The following RICTOR variants were observed in gnomAD, a reference collection of about 807,000 sequenced individuals.
RICTOR encodes the protein rapamycin-insensitive companion of mTOR.
Under a neutral mutation model 214.9 loss-of-function variants are expected in RICTOR, and 49 were observed. The ratio of observed to expected loss-of-function variants is 0.23; its 90% CI spans 0.18 to 0.29. The LOEUF (loss-of-function observed/expected upper bound fraction) is 0.29. Ranked by LOEUF, RICTOR falls within the 10% of genes least tolerant of loss-of-function variation. The pLI is 1.00. For missense variants in RICTOR, 1,625 were observed against 2,047.0 expected, an observed-to-expected ratio of 0.79 and a Z score of 3.98; for synonymous variants, 717 against 711.3, an observed-to-expected ratio of 1.01 and a Z score of -0.13.
chr5:39,062,139 C>T (rs182545119), intron 2 of RICTOR, among the ~76,000 whole-genome samples: 3 of 152,078 alleles, frequency 2.0e-5, no homozygotes, highest in Admixed American at 1.3e-4. Flanking sequence ...TACAGTAATA[C>T]GTCACTCTAA....
chr5:38,980,523 G>A (rs575174193), intron 8 of RICTOR, among the ~76,000 whole-genome samples: 7 of 152,192 alleles, frequency 4.6e-5, no homozygotes, highest in Middle Eastern at 3.4e-3. Flanking sequence ...TAAAGGCTTT[G>A]CTAATCCACT....
At chr5:39,011,436 T>C (rs1291057532) in intron 3 of RICTOR, among the ~76,000 whole-genome samples, 1 of 151,908 alleles carries the variant, frequency 6.6e-6, no homozygotes, top group Non-Finnish European at 1.5e-5. Context: ...CCACACAAAG[T>C]CCCCACTGGG....
intron 26 of RICTOR, 23 bp from the exon 27 acceptor site, chr5:38,954,884 T>G (rs1749114915): frequency 8.1e-7 from 1 of 1,239,454 alleles, no homozygotes; most frequent in Non-Finnish European, 1.2e-6. Flanking sequence ...AGATGATTAC[T>G]ATATCTCTTG....
chr5:39,021,668 T>C (rs1480280881), intron 2 of RICTOR, among the ~76,000 whole-genome samples: 3 of 152,086 alleles, frequency 2.0e-5, no homozygotes, highest in Non-Finnish European at 4.4e-5. Context: ...CCTTCCAGCA[T>C]GGGATGACAT....
chr5:39,056,554 T>C (rs563024162), intron 2 of RICTOR, among the ~76,000 whole-genome samples: 1 of 152,154 alleles, frequency 6.6e-6, no homozygotes, highest in South Asian at 2.1e-4. Flanking sequence ...ACAGGATCAC[T>C]TGAGTCCAGG....
At position 38,947,348 on chromosome 5, in the gene RICTOR, C is replaced by A. The variant is rs1444334856; in HGVS notation, c.4230G>T (p.Arg1410=). The A allele has an allele frequency of 1.9e-6, 3 of 1,612,406 alleles. No individual in the cohort carries two copies. The highest frequency in any genetic ancestry group is 1.7e-5 in the Admixed American group (1 of 59,964). ...QNTLQRSSSV[R]SMVSSATYGG... Reference sequence around the variant, plus strand: ...CATATGTGGCACTGGACACCATGGACCGCACTGAGGAAGATCGTTGCAGGG... The same window carrying A: ...CATATGTGGCACTGGACACCATGGAACGCACTGAGGAAGATCGTTGCAGGG... The change falls in exon 32 of 38, where the codon CGG becomes CGT. Residue 1410 remains arginine, a synonymous_variant. Transcript: ENST00000357387.
intron 2 of RICTOR, among the ~76,000 whole-genome samples, chr5:39,023,006 T>C (rs532524974): frequency 2.0e-5 from 3 of 151,850 alleles, no homozygotes; most frequent in Non-Finnish European, 4.4e-5. Context: ...ACAAGAAACA[T>C]GAAGAAAACC....
intron 10 of RICTOR, among the ~76,000 whole-genome samples, chr5:38,974,465 G>A (rs1006993464): frequency 2.6e-5 from 4 of 152,146 alleles, no homozygotes; most frequent in Non-Finnish European, 5.9e-5. Flanking sequence ...GAGTCTGGAC[G>A]TAGGAAGAAT....
At chr5:38,948,065 A>G (rs1313124290) in intron 31 of RICTOR, among the ~76,000 whole-genome samples, 2 of 152,146 alleles carry the variant, frequency 1.3e-5, no homozygotes, top group African/African-American at 4.8e-5. Context: ...ATTCCATAAC[A>G]AATATGATAC....
rs569163921 is a variant in RICTOR, at chr5:38,953,040, C to T, written c.2842G>A (p.Val948Met). 14 of 1,610,034 alleles carry T rather than the reference C, an allele frequency of 8.7e-6. No individual in the cohort carries two copies. The highest frequency in any genetic ancestry group is 1.2e-5 in the Non-Finnish European group (14 of 1,177,342). Residue 948 changes from valine (V) to methionine (M), a missense_variant, in exon 29 of 38, where the codon GTG becomes ATG. Physicochemically the swap from Val to Met is conservative, Grantham distance 21. Coordinates refer to ENST00000357387, the MANE Select transcript of RICTOR (RefSeq NM_152756.5). ...GCAAGTTTTAGTATATCTGGAATCA[C>T]GTTTTCTTCCTGTAGCAAATTGAGA... The part of the protein sequence containing the change: ...WGLNLLQEEN[V>M]IPDILKLAKQ...
intron 2 of RICTOR, among the ~76,000 whole-genome samples, chr5:39,050,813 T>A (rs564566064): frequency 6.6e-6 from 1 of 152,276 alleles, no homozygotes; most frequent in Non-Finnish European, 1.5e-5. Flanking sequence ...TGAAATAAGA[T>A]TGTCCCATAT....
At chr5:38,955,483 T>C (rs1749175078) in intron 26 of RICTOR, 112 bp downstream of exon 26, 2 of 665,480 alleles carry the variant, frequency 3.0e-6, no homozygotes, top group East Asian at 2.7e-5. Context: ...CAATTAATGC[T>C]GCGCATTAAG....
At chr5:38,943,048 T>A in intron 36 of RICTOR, 77 bp from the exon 37 acceptor site, 3 of 1,038,600 alleles carry the variant, frequency 2.9e-6, no homozygotes, top group African/African-American at 1.6e-5. Flanking sequence ...TCACTTACTT[T>A]AAAAATAGAT....
intron 2 of RICTOR, among the ~76,000 whole-genome samples, chr5:39,039,562 A>T (rs192974462): frequency 7.8e-4 from 119 of 152,346 alleles, no homozygotes; most frequent in African/African-American, 2.6e-3. Flanking sequence ...TTTGCAACCT[A>T]CTCATCTGAC....
chr5:38,944,969 T>A lies in RICTOR; in HGVS notation c.4733A>T (p.Asp1578Val). 6.2e-7 allele frequency: 1 copy of A among 1,613,984 alleles called. No homozygotes were observed. Among genetic ancestry groups the A allele is most frequent in the Non-Finnish European group, 8.5e-7 (1 of 1,179,912 alleles). The change falls in exon 35 of 38, where the codon GAT (aspartate) becomes GTT (valine). Residue 1578 changes from aspartate to valine, a missense_variant. This residue lies in a region of RICTOR where 1,214 missense variants were observed against 1,470.5 expected (regional missense o/e 0.83). Transcript: ENST00000357387. ...AGCTGAGCCTTCTTGAGACACCCCA[T>A]CACTGCATCCAGAAATCCCCGAAAA... Reference protein sequence around the residue: ...SKFSGISGCSDGVSQEGSASS... With the variant: ...SKFSGISGCSVGVSQEGSASS...
At chr5:39,070,174 T>TA (rs1759204870) in intron 2 of RICTOR, among the ~76,000 whole-genome samples, 1 of 152,198 alleles carries the variant, frequency 6.6e-6, no homozygotes, top group Non-Finnish European at 1.5e-5. Context: ...AATAAAAAGT[T>TA]AGAGTTCAGG....
intron 6 of RICTOR, among the ~76,000 whole-genome samples, chr5:38,993,957 C>G (rs1458029726): frequency 6.6e-6 from 1 of 152,108 alleles, no homozygotes; most frequent in African/African-American, 2.4e-5. Context: ...CCAAGGCGGG[C>G]AGATCACGAA....
In RICTOR at chr5:38,962,800, C is replaced by T. The variant is rs1035125546; in HGVS notation, c.1566+76G>A. The T allele has an allele frequency of 4.9e-6, 6 of 1,228,706 alleles. No individual in the cohort carries two copies. In the Admixed American group the frequency reaches 8.7e-5, roughly 18 times the overall value. 76.1% of individuals were successfully genotyped at this position (1,228,706 alleles called of 1,614,324 possible). A position where few individuals can be genotyped will look rare whatever the true frequency, so the allele number is the denominator to read the frequency against. On this transcript the variant is annotated intron_variant, in intron 17 of 37. Coordinates refer to ENST00000357387, the MANE Select transcript of RICTOR (RefSeq NM_152756.5). ...ATGAAGAGAAGTGTAAACTCAAATA[C>T]ATGCATACTAAAATCCAGTGGTTAA...
chr5:38,962,334 T>G lies in RICTOR; in HGVS notation c.1696A>C (p.Lys566Gln). The change falls in exon 19 of 38, where the codon AAA becomes CAA. Residue 566 changes from lysine (K) to glutamine (Q), a missense_variant. Coordinates refer to ENST00000357387, the MANE Select transcript of RICTOR (RefSeq NM_152756.5). ...KWPNVNLRNY[K>Q]DEQLHRFVRR... ...ACATACCTGTGTAACTGTTCATCTT[T>G]ATAGTTTCTTAGATTTACATTTGGC... is the stretch of plus-strand genomic sequence containing the variant. 1 of 1,429,760 alleles carries G rather than the reference T, an allele frequency of 7.0e-7. No homozygotes were observed. The allele number at this position is 1,429,760 out of a possible 1,614,324, so 88.6% of individuals were successfully genotyped here.
Sources: gnomAD v4.1 joint callset for allele counts (sites outside exome capture counted in the v4.1 genomes callset) on GRCh38, gnomAD v4.1.1 for gene constraint, gnomAD v4.1.1 regional missense constraint, MANE v1.5 for transcripts, NCBI Gene and HGNC (gene_info 2026-07-23, HGNC 2026-07-21) for gene names.